Variants in DLG1 observed in about 807,000 individuals in gnomAD.
The protein encoded by DLG1 is discs large MAGUK scaffold protein 1.
A neutral mutation model predicts 123.4 loss-of-function variants in DLG1; 42 were observed. The ratio of observed to expected loss-of-function variants is 0.34; its 90% CI spans 0.27 to 0.44. The LOEUF is 0.44. Ranked by LOEUF, DLG1 falls within the 20% of genes least tolerant of loss-of-function variation. The pLI is 1.00. For missense variants in DLG1, 942 were observed against 1,082.6 expected (o/e 0.87, Z 1.82); for synonymous variants, 317 against 356.2 (o/e 0.89, Z 1.24).
chr3:197,138,458 C>A lies in DLG1; in HGVS notation c.714-67G>T, dbSNP rs528759745. 1,094 of 893,346 alleles carry A rather than the reference C, an allele frequency of 1.2e-3. 2 individuals carry two copies. Among genetic ancestry groups the A allele is most frequent in the Middle Eastern group, 1.3e-3 (3 of 2,302 alleles). 55.3% of individuals were successfully genotyped at this position (893,346 alleles called of 1,614,324 possible). A position where few individuals can be genotyped will look rare whatever the true frequency, so the allele number is the denominator to read the frequency against. Reference sequence around the variant, plus strand: ...ATTTAAATATAAATTTTCCACTTTACCAATTTTTTGTTACTTCTTTTTTAA... The same window carrying A: ...ATTTAAATATAAATTTTCCACTTTAACAATTTTTTGTTACTTCTTTTTTAA... On this transcript the variant is annotated intron_variant, in intron 8 of 24. Coordinates refer to ENST00000667157, the MANE Select transcript of DLG1 (RefSeq NM_001366207.1).
chr3:197,082,581 T>C (rs966109654), intron 16 of DLG1, among the ~76,000 whole-genome samples: 21 of 152,186 alleles, frequency 1.4e-4, no homozygotes, highest in South Asian at 8.3e-4. Flanking sequence ...AAATTGTCTA[T>C]ATTTGTAAAT....
At chr3:197,259,281 T>C (rs1351213728) in intron 4 of DLG1, among the ~76,000 whole-genome samples, 1 of 152,142 alleles carries the variant, frequency 6.6e-6, no homozygotes, top group East Asian at 1.9e-4. Flanking sequence ...GACATCTCCT[T>C]ATAAACAGGG....
chr3:197,254,913 G>GGGCGT (rs1340357530), intron 4 of DLG1, among the ~76,000 whole-genome samples: 1 of 151,922 alleles, frequency 6.6e-6, no homozygotes, highest in Non-Finnish European at 1.5e-5. Flanking sequence ...AAAATTAGCC[G>GGGCGT]GGCGTGGTGG....
At chr3:197,093,183 G>A (rs879429513) in intron 14 of DLG1, among the ~76,000 whole-genome samples, 4 of 150,084 alleles carry the variant, frequency 2.7e-5, no homozygotes, top group Admixed American at 6.6e-5. Flanking sequence ...TTTTTCAGAC[G>A]GAGTTTCACT....
At chr3:197,085,808 C>A in intron 15 of DLG1, 52 bp from the exon 16 acceptor site, 1 of 1,526,250 alleles carries the variant, frequency 6.6e-7, no homozygotes, top group South Asian at 1.2e-5. Context: ...TATTAATCAA[C>A]ATATCATAGG....
chr3:197,294,657 C>CAA lies in DLG1; in HGVS notation c.151+1687_151+1688dup, dbSNP rs71926647. Among the ~76,000 whole-genome samples, 285 of 78,996 alleles carry CAA rather than the reference C, an allele frequency of 3.6e-3. 2 individuals are homozygous for CAA. Among genetic ancestry groups the CAA allele is most frequent in the African/African-American group, 0.011 (231 of 20,264 alleles). The allele number at this position is 78,996 out of a possible 152,430, so 51.8% of individuals were successfully genotyped here. ...TGGGTGACAGAGTGAGACTCTGCCT[C>CAA]AAAAAAAAAAAAAAAAAAAAAGAGA... On this transcript the variant is annotated intron_variant, in intron 3 of 24. Coordinates refer to ENST00000667157, the MANE Select transcript of DLG1 (RefSeq NM_001366207.1).
chr3:197,128,754 A>ACAT (rs369751934), intron 11 of DLG1, among the ~76,000 whole-genome samples: 3 of 152,248 alleles, frequency 2.0e-5, no homozygotes, highest in African/African-American at 7.2e-5. Context: ...CATCAAAACA[A>ACAT]CATCAGTCTC....
At chr3:197,236,651 C>A (rs1253211644) in intron 4 of DLG1, among the ~76,000 whole-genome samples, 1 of 152,116 alleles carries the variant, frequency 6.6e-6, no homozygotes, top group Non-Finnish European at 1.5e-5. Context: ...GGTGGGTTGT[C>A]CCTAAAGGGG....
At chr3:197,082,462 C>G (rs565814609) in intron 16 of DLG1, among the ~76,000 whole-genome samples, 30 of 152,096 alleles carry the variant, frequency 2.0e-4, no homozygotes, top group Non-Finnish European at 4.0e-4. Context: ...TATAATCTTG[C>G]CTAGGTACTT....
At chr3:197,258,936 A>G (rs915613024) in intron 4 of DLG1, among the ~76,000 whole-genome samples, 8 of 152,160 alleles carry the variant, frequency 5.3e-5, no homozygotes, top group Admixed American at 5.2e-4. Flanking sequence ...AAAAATTTAT[A>G]AATACTTTAG....
chr3:197,298,093 G>C, intron 1 of DLG1: 1 of 251,878 alleles, frequency 4.0e-6, no homozygotes, highest in Non-Finnish European at 6.3e-6. Context: ...GCCCCCAACC[G>C]CTCTCCCCCG....
chr3:197,064,626 C>T (rs1056729088), intron 22 of DLG1, among the ~76,000 whole-genome samples: 4 of 152,020 alleles, frequency 2.6e-5, no homozygotes, highest in Non-Finnish European at 5.9e-5. Flanking sequence ...TTTCTGGTCT[C>T]TGTTCCCTGT....
chr3:197,045,345 C>A (rs571406095), intron 24 of DLG1, among the ~76,000 whole-genome samples: 5 of 152,220 alleles, frequency 3.3e-5, no homozygotes, highest in African/African-American at 1.2e-4. Context: ...GCTGAAGCCC[C>A]TGAGGTCTGT....
intron 4 of DLG1, among the ~76,000 whole-genome samples, chr3:197,281,084 C>A (rs1035819947): frequency 3.4e-5 from 5 of 148,008 alleles, no homozygotes; most frequent in Non-Finnish European, 5.9e-5. Context: ...GTTGCCCAGA[C>A]TGGAGTGCAG....
At chr3:197,136,443 A>T (rs1580078774) in intron 10 of DLG1, 99 bp downstream of exon 10, 2 of 934,300 alleles carry the variant, frequency 2.1e-6, no homozygotes, top group East Asian at 5.1e-5. Context: ...TAATTTAAAC[A>T]TCATTTAGAC....
intron 4 of DLG1, among the ~76,000 whole-genome samples, chr3:197,204,153 G>C (rs961853969): frequency 6.6e-6 from 1 of 152,152 alleles, no homozygotes; most frequent in Non-Finnish European, 1.5e-5. Flanking sequence ...AAAATTATGT[G>C]AATCAGTGTG....
At chr3:197,081,521 G>T (rs1367332353) in intron 16 of DLG1, among the ~76,000 whole-genome samples, 2 of 152,192 alleles carry the variant, frequency 1.3e-5, no homozygotes, top group African/African-American at 4.8e-5. Flanking sequence ...AAAAACTGGT[G>T]AAAGTGGGAG....
chr3:197,100,083 G>A (rs761656653), intron 14 of DLG1, among the ~76,000 whole-genome samples: 3 of 152,134 alleles, frequency 2.0e-5, no homozygotes, highest in East Asian at 1.9e-4. Flanking sequence ...GCACAGGCGC[G>A]TAGAAAAATA....
At chr3:197,141,142 A>G (rs1262717858) in intron 7 of DLG1, among the ~76,000 whole-genome samples, 1 of 152,234 alleles carries the variant, frequency 6.6e-6, no homozygotes, top group Non-Finnish European at 1.5e-5. Flanking sequence ...TGTTAGTATT[A>G]AACAGTGTAA....
Sources: gnomAD v4.1 joint callset for allele counts (sites outside exome capture counted in the v4.1 genomes callset) on GRCh38, gnomAD v4.1.1 for gene constraint, MANE v1.5 for transcripts, NCBI Gene and HGNC (gene_info 2026-07-23, HGNC 2026-07-21) for gene names.